The following ADK variants were observed in gnomAD, a reference collection of about 807,000 sequenced individuals.
The protein encoded by ADK is adenosine kinase, also known as N6,N6-dimethyladenosine kinase.
In ADK, 24 loss-of-function variants were observed where a neutral mutation model predicts 44.7. That is an observed-to-expected ratio of 0.54 (90% CI 0.39 to 0.76). The LOEUF is 0.76. Among genes scored for constraint, ADK ranks in the 30% least tolerant of loss-of-function variants. The pLI is 0.00. For synonymous variants in ADK, 128 were observed against 142.6 expected, an observed-to-expected ratio of 0.90 and a Z score of 0.73; for missense variants, 321 against 425.1, an observed-to-expected ratio of 0.76 and a Z score of 2.15.
intron 3 of ADK, among the ~76,000 whole-genome samples, chr10:74,266,145 C>T (rs552671252): frequency 6.6e-6 from 1 of 152,262 alleles, no homozygotes; most frequent in African/African-American, 2.4e-5. Context: ...CTATGTCCAG[C>T]AGCAAAAGGA....
intron 9 of ADK, among the ~76,000 whole-genome samples, chr10:74,666,016 T>A (rs1854946635): frequency 6.6e-6 from 1 of 152,178 alleles, no homozygotes; most frequent in African/African-American, 2.4e-5. Flanking sequence ...AAATATATAG[T>A]TAATTTAGTG....
intron 1 of ADK, among the ~76,000 whole-genome samples, chr10:74,164,181 T>C (rs1048364382): frequency 6.6e-6 from 1 of 152,378 alleles, no homozygotes; most frequent in South Asian, 2.1e-4. Context: ...AGGTTTGAGA[T>C]ATTATAATAA....
chr10:74,570,249 C>T (rs1256336016), intron 7 of ADK, among the ~76,000 whole-genome samples: 3 of 152,014 alleles, frequency 2.0e-5, no homozygotes, highest in Non-Finnish European at 4.4e-5. Context: ...ATTGACTTGG[C>T]GATGCGGGCT....
intron 6 of ADK, among the ~76,000 whole-genome samples, chr10:74,507,162 G>GA (rs1419381769): frequency 6.6e-6 from 1 of 151,832 alleles, no homozygotes; most frequent in Non-Finnish European, 1.5e-5. Flanking sequence ...AGCATACCAT[G>GA]AAAAAATGAA....
chr10:74,475,984 C>T (rs1045667147), intron 6 of ADK, among the ~76,000 whole-genome samples: 1 of 152,138 alleles, frequency 6.6e-6, no homozygotes, highest in Non-Finnish European at 1.5e-5. Context: ...CATAGACACA[C>T]ATTGTATTTA....
At chr10:74,507,419 C>T (rs1848124045) in intron 6 of ADK, among the ~76,000 whole-genome samples, 1 of 151,742 alleles carries the variant, frequency 6.6e-6, no homozygotes, top group African/African-American at 2.4e-5. Flanking sequence ...TTGAGACCAG[C>T]CTGGGCAACA....
chr10:74,561,429 G>T (rs1358389538), intron 7 of ADK, among the ~76,000 whole-genome samples: 1 of 152,180 alleles, frequency 6.6e-6, no homozygotes, highest in African/African-American at 2.4e-5. Context: ...GGTGAGGGAA[G>T]ATGATGAAGA....
rs150956373 is a variant in ADK, at chr10:74,250,475, G to A, written c.194+25884G>A. Among the ~76,000 whole-genome samples the A allele has an allele frequency of 2.1e-3, 313 of 152,268 alleles. 3 individuals carry two copies. Among genetic ancestry groups the A allele is most frequent in the African/African-American group, 6.9e-3 (285 of 41,546 alleles). ...GAGAGGTAAAAGAAGAAGCTACAAC[G>A]TAGGTTCAGGCCGAATTGTGAAAAG... On this transcript the variant is annotated intron_variant, in intron 3 of 10. Coordinates refer to ENST00000539909, the MANE Select transcript of ADK (RefSeq NM_006721.4).
chr10:74,598,440 C>CTTTTTTTTTTTTTTTTTTTTTTTTTTTT (rs367982701), intron 8 of ADK, among the ~76,000 whole-genome samples: 2 of 114,072 alleles, frequency 1.8e-5, no homozygotes, highest in Non-Finnish European at 1.7e-5. Context: ...GAATCTTATT[C>CTTTTTTTTTTTTTTTTTTTTTTTTTTTT]CTTTTTTTTT....
At chr10:74,355,638 A>G (rs1463962172) in intron 4 of ADK, among the ~76,000 whole-genome samples, 1 of 152,202 alleles carries the variant, frequency 6.6e-6, no homozygotes, top group Non-Finnish European at 1.5e-5. Flanking sequence ...TGTCATTTGG[A>G]AAAATTTTAA....
Position 74,708,476 on chromosome 10 carries a change from G to A in ADK, c.*31G>A. 1 of 1,604,742 alleles carries A rather than the reference G, an allele frequency of 6.2e-7. No individual in the cohort carries two copies. The highest frequency in any genetic ancestry group is 1.1e-5 in the South Asian group (1 of 90,840). ...GAGCTGAAAACACAAGCCCAGGAGT[G>A]CAGACACTGCCCTAATTGCTTCCTG... On this transcript the variant is annotated 3_prime_UTR_variant, in exon 11 of 11. Transcript: ENST00000539909.
At chr10:74,259,623 T>A (rs10824132) in intron 3 of ADK, among the ~76,000 whole-genome samples, 31,309 of 150,952 alleles carry the variant, frequency 0.21, 4,370 homozygotes, top group African/African-American at 0.4. Context: ...TGCCTGGCTA[T>A]TTTTTTTGTA....
chr10:74,592,520 G>T (rs1343253874), intron 8 of ADK, among the ~76,000 whole-genome samples: 1 of 152,068 alleles, frequency 6.6e-6, no homozygotes, highest in African/African-American at 2.4e-5. Flanking sequence ...ATGATGAAGA[G>T]AATTCATACC....
chr10:74,260,248 T>C (rs945734014), intron 3 of ADK, among the ~76,000 whole-genome samples: 4 of 152,164 alleles, frequency 2.6e-5, no homozygotes, highest in African/African-American at 9.7e-5. Flanking sequence ...AGTAGAATTA[T>C]AGATTCTTTT....
At chr10:74,249,928 T>C (rs2132332195) in intron 3 of ADK, among the ~76,000 whole-genome samples, 1 of 152,348 alleles carries the variant, frequency 6.6e-6, no homozygotes, top group Middle Eastern at 3.4e-3. Flanking sequence ...TTTCCTGCAC[T>C]CATAGTTTAT....
At chr10:74,660,337 A>G (rs1257544754) in intron 9 of ADK, among the ~76,000 whole-genome samples, 4 of 151,968 alleles carry the variant, frequency 2.6e-5, no homozygotes, top group Non-Finnish European at 5.9e-5. Flanking sequence ...TCGCCATGCT[A>G]CCCAGGCTGG....
intron 3 of ADK, among the ~76,000 whole-genome samples, chr10:74,225,474 C>T (rs1460298998): frequency 6.6e-6 from 1 of 151,916 alleles, no homozygotes; most frequent in Non-Finnish European, 1.5e-5. Context: ...AATTTTTTTT[C>T]GTAGAGGACT....
intron 6 of ADK, among the ~76,000 whole-genome samples, chr10:74,412,387 C>T (rs554269110): frequency 6.6e-6 from 1 of 152,224 alleles, no homozygotes; most frequent in East Asian, 1.9e-4. Context: ...GTGATCCTCC[C>T]ACTGCGGCCT....
chr10:74,352,498 C>T (rs1271417106), intron 4 of ADK, among the ~76,000 whole-genome samples: 8 of 152,182 alleles, frequency 5.3e-5, no homozygotes, highest in African/African-American at 1.9e-4. Context: ...CAATACCATT[C>T]AGGACATAGG....
Sources: gnomAD v4.1 joint callset for allele counts (sites outside exome capture counted in the v4.1 genomes callset) on GRCh38, gnomAD v4.1.1 for gene constraint, MANE v1.5 for transcripts, NCBI Gene and HGNC (gene_info 2026-07-23, HGNC 2026-07-21) for gene names.